ADCYAP1R1: variants seen among roughly 807,000 people sequenced by gnomAD.
The protein encoded by ADCYAP1R1 is pituitary adenylate cyclase-activating polypeptide type I receptor.
Under a neutral mutation model 67.6 loss-of-function variants are expected in ADCYAP1R1, and 44 were observed. That is an observed-to-expected ratio of 0.65 (90% CI 0.51 to 0.84). The LOEUF is 0.84. Ranked by LOEUF, ADCYAP1R1 falls within the 40% of genes least tolerant of loss-of-function variation. ADCYAP1R1 has a pLI of 0.00. For missense variants in ADCYAP1R1, 477 were observed against 587.9 expected (o/e 0.81, Z 1.95); for synonymous variants, 222 against 219.6 (o/e 1.01, Z -0.10).
chr7:31,106,751 G>C lies in ADCYAP1R1; in HGVS notation c.*67G>C. ...GGACCGCAGGCAGGTGCCAGCCCAC[G>C]CATGTTTGCGCCTCTTCCCTCCCCT... On this transcript the variant is annotated 3_prime_UTR_variant, in exon 16 of 16. Transcript: ENST00000304166. 6.8e-7 allele frequency: 1 copy of C among 1,476,732 alleles called. No homozygotes were observed. Among genetic ancestry groups the C allele is most frequent in the South Asian group, 1.4e-5 (1 of 71,502 alleles). 91.5% of individuals were successfully genotyped at this position (1,476,732 alleles called of 1,614,324 possible).
chr7:31,069,253 GA>G (rs1232765926), intron 3 of ADCYAP1R1, among the ~76,000 whole-genome samples: 2 of 152,194 alleles, frequency 1.3e-5, no homozygotes, highest in Non-Finnish European at 2.9e-5. Context: ...AGTCAAATCT[GA>G]GCGTACCAAA....
At chr7:31,098,221 GA>G (rs1796285993) in intron 13 of ADCYAP1R1, among the ~76,000 whole-genome samples, 1 of 152,150 alleles carries the variant, frequency 6.6e-6, no homozygotes, top group Non-Finnish European at 1.5e-5. Flanking sequence ...TTTCAGCTAG[GA>G]AAAGGTACAT....
Position 31,061,883 on chromosome 7 carries a change from C to G in ADCYAP1R1, c.-71-1311C>G, listed in dbSNP as rs564467715. Among the ~76,000 whole-genome samples the G allele has an allele frequency of 2.6e-4, 40 of 151,840 alleles. 1 individual carries two copies. The highest frequency in any genetic ancestry group is 2.1e-3 in the Admixed American group (32 of 15,280). ...GGTTGGGATGCACATGTAGGATTTG[C>G]TTGGGCCCCCCATGGCCTCCCGGGC... On this transcript the variant is annotated intron_variant, in intron 1 of 15. Transcript: ENST00000304166.
At chr7:31,101,370 A>G (rs1227490920) in intron 13 of ADCYAP1R1, among the ~76,000 whole-genome samples, 3 of 152,156 alleles carry the variant, frequency 2.0e-5, no homozygotes, top group Admixed American at 1.3e-4. Context: ...TTTTTAGACT[A>G]CAGGGACAAG....
At chr7:31,100,442 C>T (rs1041904157) in intron 13 of ADCYAP1R1, among the ~76,000 whole-genome samples, 1 of 152,066 alleles carries the variant, frequency 6.6e-6, no homozygotes, top group South Asian at 2.1e-4. Flanking sequence ...GTGGGTGCTT[C>T]CTGAGGAAGC....
In ADCYAP1R1 at chr7:31,081,802, G is replaced by A. The variant is rs149465899; in HGVS notation, c.328+48G>A. 2.4e-5 allele frequency: 37 copies of A among 1,513,292 alleles called. No individual in the cohort carries two copies. The Middle Eastern group carries it at 1.1e-3, about 44-fold the overall frequency. 93.7% of individuals were successfully genotyped at this position (1,513,292 alleles called of 1,614,324 possible). Reference sequence around the variant, plus strand: ...ACCATGGACTGGCTGGAGGGAGGGCGTCTGCTGACATGTGAGCTTTGAGAA... The same window carrying A: ...ACCATGGACTGGCTGGAGGGAGGGCATCTGCTGACATGTGAGCTTTGAGAA... On this transcript the variant is annotated intron_variant, in intron 6 of 15. Coordinates refer to ENST00000304166, the MANE Select transcript of ADCYAP1R1 (RefSeq NM_001118.5).
At chr7:31,072,750 A>C (rs145406881) in intron 3 of ADCYAP1R1, among the ~76,000 whole-genome samples, 33 of 152,344 alleles carry the variant, frequency 2.2e-4, no homozygotes, top group Non-Finnish European at 4.4e-4. Context: ...TGAAACCTGT[A>C]ATATGTTACT....
intron 4 of ADCYAP1R1, among the ~76,000 whole-genome samples, chr7:31,080,086 A>G (rs1795451987): frequency 6.6e-6 from 1 of 152,210 alleles, no homozygotes; most frequent in African/African-American, 2.4e-5. Context: ...CTTCTCAACA[A>G]CGAAAGGCAA....
chr7:31,060,562 C>T (rs1016454302), intron 1 of ADCYAP1R1, among the ~76,000 whole-genome samples: 12 of 151,768 alleles, frequency 7.9e-5, no homozygotes, highest in Non-Finnish European at 1.5e-4. Context: ...CTTGTGTATC[C>T]CCATCATGGG....
chr7:31,106,294 C>T (rs912033466), intron 15 of ADCYAP1R1, among the ~76,000 whole-genome samples: 7 of 152,310 alleles, frequency 4.6e-5, no homozygotes, highest in African/African-American at 1.7e-4. Context: ...GGGGCTGTTC[C>T]GGTCAGCTCC....
In ADCYAP1R1 at chr7:31,085,366, T is replaced by C. The variant is rs1795696527; in HGVS notation, c.593T>C (p.Leu198Pro). The C allele has an allele frequency of 1.2e-6, 2 of 1,614,012 alleles. No individual in the cohort carries two copies. Among genetic ancestry groups the C allele is most frequent in the Non-Finnish European group, 1.7e-6 (2 of 1,180,042 alleles). Residue 198 changes from leucine to proline, a missense_variant, in exon 9 of 16, where the codon CTG (leucine) becomes CCG (proline). By Grantham distance (98) the Leu-to-Pro change is moderately conservative (BLOSUM62 -3). Coordinates refer to ENST00000304166, the MANE Select transcript of ADCYAP1R1 (RefSeq NM_001118.5). The stretch of plus-strand genomic sequence containing the variant: ...ATGAACCTGTTTGTGTCGTTCATGC[T>C]GAGGGCGATCTCCGTCTTCATCAAA... Reference protein sequence around the residue: ...IHMNLFVSFMLRAISVFIKDW... With the variant: ...IHMNLFVSFMPRAISVFIKDW...
intron 13 of ADCYAP1R1, among the ~76,000 whole-genome samples, chr7:31,093,994 C>A (rs987738418): frequency 6.6e-6 from 1 of 152,040 alleles, no homozygotes; most frequent in African/African-American, 2.4e-5. Context: ...CTTGGTCTGT[C>A]AATCTGTTCA....
At chr7:31,088,803 A>G (rs1329422482) in intron 12 of ADCYAP1R1, among the ~76,000 whole-genome samples, 1 of 151,964 alleles carries the variant, frequency 6.6e-6, no homozygotes. Flanking sequence ...TTTTCCCTTC[A>G]TTATTCTTTT....
Position 31,110,691 on chromosome 7 carries a change from T to C in ADCYAP1R1, c.*4007T>C, listed in dbSNP as rs1324764884. Reference sequence around the variant, plus strand: ...AGGAGAAGCAATGGAGTCAGTGTGGTGTGGGGAGACCTACTTTTTAACCTG... The same window carrying C: ...AGGAGAAGCAATGGAGTCAGTGTGGCGTGGGGAGACCTACTTTTTAACCTG... On this transcript the variant is annotated 3_prime_UTR_variant, in exon 16 of 16. Transcript: ENST00000304166. 6.5e-6 allele frequency: 1 copy of C among 152,800 alleles called. No homozygotes were observed. Among genetic ancestry groups the C allele is most frequent in the Non-Finnish European group, 1.5e-5 (1 of 68,078 alleles). The allele number at this position is 152,800 out of a possible 1,614,324, so 9.5% of individuals were successfully genotyped here.
chr7:31,066,939 C>T (rs535126358), intron 3 of ADCYAP1R1, among the ~76,000 whole-genome samples: 1 of 152,264 alleles, frequency 6.6e-6, no homozygotes, highest in East Asian at 1.9e-4. Context: ...ATGGGTTGGG[C>T]TATTGAGGGG....
Position 31,106,953 on chromosome 7 carries a change from CT to C in ADCYAP1R1, c.*272del. 2.3e-6 allele frequency: 1 copy of C among 444,222 alleles called. No individual in the cohort carries two copies. The highest frequency in any genetic ancestry group is 4.0e-5 in the South Asian group (1 of 25,304). The allele number at this position is 444,222 out of a possible 1,614,324, so 27.5% of individuals were successfully genotyped here. On this transcript the variant is annotated 3_prime_UTR_variant, in exon 16 of 16. Coordinates refer to ENST00000304166, the MANE Select transcript of ADCYAP1R1 (RefSeq NM_001118.5). ...GGAAAAGTTGTCCCATCCCTTCCCC[CT>C]TTGCCCCAGTGTCCCTGCTCACTTC...
intron 13 of ADCYAP1R1, among the ~76,000 whole-genome samples, chr7:31,097,687 T>C (rs552106136): frequency 6.6e-6 from 1 of 152,206 alleles, no homozygotes; most frequent in East Asian, 1.9e-4. Flanking sequence ...GTGTTTACCA[T>C]GGAAACATCT....
intron 14 of ADCYAP1R1, 21 bp from the exon 15 acceptor site, chr7:31,104,847 G>C: frequency 6.2e-7 from 1 of 1,613,976 alleles, no homozygotes; most frequent in Admixed American, 1.7e-5. Context: ...GCATCCTCAG[G>C]CTTATTTTCT....
intron 12 of ADCYAP1R1, among the ~76,000 whole-genome samples, chr7:31,091,910 A>G (rs1420387502): frequency 6.6e-6 from 1 of 151,346 alleles, no homozygotes; most frequent in Non-Finnish European, 1.5e-5. Context: ...TTTCTTATAT[A>G]AGTTACGTTT....
Sources: allele counts gnomAD v4.1 joint callset (sites outside exome capture counted in the v4.1 genomes callset), GRCh38; gene constraint gnomAD v4.1.1; transcripts MANE v1.5; gene names NCBI Gene and HGNC (gene_info 2026-07-23, HGNC 2026-07-21).